Variants in ALDH1A2 observed in about 807,000 individuals in gnomAD.
ALDH1A2 encodes the protein retinal dehydrogenase 2.
Under a neutral mutation model 60.3 loss-of-function variants are expected in ALDH1A2, and 27 were observed. The ratio of observed to expected loss-of-function variants is 0.45; its 90% CI spans 0.33 to 0.62. The LOEUF is 0.62. Among genes scored for constraint, ALDH1A2 ranks in the 20% least tolerant of loss-of-function variants. The pLI is 0.02. For missense variants in ALDH1A2, 581 were observed against 643.8 expected (o/e 0.90, Z 1.06); for synonymous variants, 289 against 232.4 (o/e 1.24, Z -2.21).
intron 10 of ALDH1A2, among the ~76,000 whole-genome samples, 197 bp from the exon 11 acceptor site, chr15:57,961,491 A>T (rs1350497739): frequency 6.6e-6 from 1 of 152,034 alleles, no homozygotes; most frequent in Non-Finnish European, 1.5e-5. Context: ...AACCTCCCCA[A>T]CTTCCCCAAC....
intron 1 of ALDH1A2, among the ~76,000 whole-genome samples, chr15:58,045,237 G>A (rs1222181366): frequency 6.6e-6 from 1 of 151,952 alleles, no homozygotes; most frequent in Non-Finnish European, 1.5e-5. Context: ...TAAAAAGTCA[G>A]GAAACAATAG....
chr15:58,036,487 C>A (rs1034840153), intron 1 of ALDH1A2: 10 of 151,496 alleles, frequency 6.6e-5, no homozygotes, highest in Non-Finnish European at 1.2e-4. Flanking sequence ...AATGCAACCA[C>A]TTTTTAACAT....
chr15:58,042,601 C>T (rs8027188), intron 1 of ALDH1A2, among the ~76,000 whole-genome samples: 62,633 of 151,666 alleles, frequency 0.41, 13,108 homozygotes, highest in Non-Finnish European at 0.44. Context: ...ATCTCATGTC[C>T]CAGAAAAGCT....
intron 12 of ALDH1A2, among the ~76,000 whole-genome samples, chr15:57,959,260 A>C (rs1893642093): frequency 6.6e-6 from 1 of 152,200 alleles, no homozygotes; most frequent in South Asian, 2.1e-4. Flanking sequence ...AGACTGGGAG[A>C]GCACAGACAT....
chr15:58,029,398 T>C (rs562445838), intron 1 of ALDH1A2, among the ~76,000 whole-genome samples: 1 of 152,246 alleles, frequency 6.6e-6, no homozygotes, highest in Non-Finnish European at 1.5e-5. Context: ...TAAAGCAGTG[T>C]GTAGAGGGAA....
chr15:57,987,762 G>T (rs1313697894), intron 7 of ALDH1A2, among the ~76,000 whole-genome samples: 1 of 151,726 alleles, frequency 6.6e-6, no homozygotes, highest in East Asian at 1.9e-4. Context: ...GCGGGTGCCT[G>T]TAGTCCCAGC....
chr15:57,996,810 CTG>C (rs1895080170), intron 4 of ALDH1A2, among the ~76,000 whole-genome samples: 1 of 151,996 alleles, frequency 6.6e-6, no homozygotes, highest in African/African-American at 2.4e-5. Context: ...CTCTTTAACA[CTG>C]AGGTTTTTCC....
chr15:58,031,079 A>C lies in ALDH1A2; in HGVS notation c.118-16798T>G, dbSNP rs1896227683. ...AGCCCGCAAAGCCACTACGATCCTA[A>C]GCAAAAAGAACAAAGCTAGAGGCAT... On this transcript the variant is annotated intron_variant, in intron 1 of 12. Coordinates refer to ENST00000249750, the MANE Select transcript of ALDH1A2 (RefSeq NM_003888.4). 2.0e-5 allele frequency among the ~76,000 whole-genome samples: 3 copies of C among 152,314 alleles called. No homozygotes were observed. In the South Asian group the frequency reaches 6.2e-4, roughly 32 times the overall value.
rs78853556 is a variant in ALDH1A2 at position 57,954,865 on chromosome 15, C to T, written c.*332G>A. ...GTCACCTTTCCTTGAGAGGAAAGTT[C>T]TTTGTGACAAAGACATGAAATAATA... On this transcript the variant is annotated 3_prime_UTR_variant, in exon 13 of 13. Transcript: ENST00000249750. 1.2e-3 allele frequency: 422 copies of T among 360,906 alleles called. 2 individuals carry two copies. The highest frequency in any genetic ancestry group is 8.1e-3 in the African/African-American group (394 of 48,690). The allele number at this position is 360,906 out of a possible 1,614,324, so 22.4% of individuals were successfully genotyped here.
intron 7 of ALDH1A2, among the ~76,000 whole-genome samples, chr15:57,982,070 G>A (rs1236020521): frequency 6.6e-6 from 1 of 152,132 alleles, no homozygotes; most frequent in African/African-American, 2.4e-5. Context: ...ATCTATTAAT[G>A]TGGGTTAACA....
chr15:58,054,518 T>C (rs1336258885), intron 1 of ALDH1A2, among the ~76,000 whole-genome samples: 2 of 152,142 alleles, frequency 1.3e-5, no homozygotes, highest in Non-Finnish European at 1.5e-5. Flanking sequence ...AGGGATCTGA[T>C]AGTAATTAAG....
At chr15:58,063,765 G>T (rs1396012448) in intron 1 of ALDH1A2, among the ~76,000 whole-genome samples, 3 of 152,116 alleles carry the variant, frequency 2.0e-5, no homozygotes, top group African/African-American at 7.2e-5. Flanking sequence ...ACAAATTAAA[G>T]AATCAAGTTA....
intron 1 of ALDH1A2, among the ~76,000 whole-genome samples, chr15:58,050,469 TA>T (rs1223975362): frequency 2.6e-5 from 4 of 152,184 alleles, no homozygotes; most frequent in African/African-American, 9.7e-5. Context: ...ACTAAAAAAC[TA>T]ATTCATTATT....
At chr15:58,013,063 T>C (rs1895680547) in intron 3 of ALDH1A2, among the ~76,000 whole-genome samples, 1 of 152,298 alleles carries the variant, frequency 6.6e-6, no homozygotes, top group East Asian at 1.9e-4. Flanking sequence ...AAGTTCGTTA[T>C]GTGAGGAAAA....
intron 12 of ALDH1A2, among the ~76,000 whole-genome samples, chr15:57,959,068 C>G (rs1308168477): frequency 6.6e-6 from 1 of 152,134 alleles, no homozygotes; most frequent in Non-Finnish European, 1.5e-5. Flanking sequence ...CTAGACTCAG[C>G]TAATGTAACA....
intron 1 of ALDH1A2, among the ~76,000 whole-genome samples, chr15:58,039,867 C>T (rs1045413011): frequency 6.6e-6 from 1 of 151,720 alleles, no homozygotes; most frequent in Non-Finnish European, 1.5e-5. Context: ...GTCATTAATT[C>T]TTCCTTTATT....
At chr15:57,962,796 A>G (rs185205343) in intron 9 of ALDH1A2, among the ~76,000 whole-genome samples, 1 of 152,336 alleles carries the variant, frequency 6.6e-6, no homozygotes, top group Admixed American at 6.5e-5. Context: ...CATTTACCCA[A>G]GTTTGAATGG....
chr15:58,005,770 ACACT>A (rs1398269881), intron 4 of ALDH1A2, among the ~76,000 whole-genome samples: 2 of 151,892 alleles, frequency 1.3e-5, no homozygotes, highest in Non-Finnish European at 2.9e-5. Flanking sequence ...ACTATCTCTG[ACACT>A]CACTATGAAA....
At chr15:58,061,881 A>C (rs1358913514) in intron 1 of ALDH1A2, among the ~76,000 whole-genome samples, 1 of 152,164 alleles carries the variant, frequency 6.6e-6, no homozygotes, top group Non-Finnish European at 1.5e-5. Flanking sequence ...ACATTGATCA[A>C]CTGAACTACT....
Sources: allele counts gnomAD v4.1 joint callset (sites outside exome capture counted in the v4.1 genomes callset), GRCh38; gene constraint gnomAD v4.1.1; transcripts MANE v1.5; gene names NCBI Gene and HGNC (gene_info 2026-07-23, HGNC 2026-07-21).